The following DLGAP2 variants were observed in gnomAD, a reference collection of about 807,000 sequenced individuals.
DLGAP2 encodes DLG associated protein 2.
DLGAP2 carries 26 observed loss-of-function variants against 100.3 expected under a neutral mutation model. The ratio of observed to expected loss-of-function variants is 0.26; its 90% CI spans 0.19 to 0.36. The LOEUF is 0.36. Among genes scored for constraint, DLGAP2 ranks in the 10% least tolerant of loss-of-function variants. The pLI is 1.00. For missense variants in DLGAP2, 1,858 were observed against 1,453.2 expected (o/e 1.28, Z -4.53); for synonymous variants, 886 against 630.1 (o/e 1.41, Z -6.08).
chr8:1,336,967 G>T (rs1801288749), intron 3 of DLGAP2, among the ~76,000 whole-genome samples: 1 of 152,200 alleles, frequency 6.6e-6, no homozygotes. Context: ...ACCCTAAAAT[G>T]AAGATATTAT....
chr8:885,955 G>A (rs976659601), intron 1 of DLGAP2, among the ~76,000 whole-genome samples: 2 of 152,156 alleles, frequency 1.3e-5, no homozygotes, highest in Admixed American at 6.5e-5. Flanking sequence ...CAATTGTTTG[G>A]AATAGTTTCA....
intron 2 of DLGAP2, among the ~76,000 whole-genome samples, chr8:1,004,337 C>G (rs1328431207): frequency 2.0e-5 from 3 of 152,168 alleles, no homozygotes; most frequent in South Asian, 2.1e-4. Context: ...TTAATTTTGT[C>G]TTTTATCTTC....
chr8:954,412 C>G (rs1161579126), intron 2 of DLGAP2, among the ~76,000 whole-genome samples: 4 of 152,142 alleles, frequency 2.6e-5, no homozygotes, highest in Admixed American at 1.3e-4. Flanking sequence ...GAAATGTGTT[C>G]AAAATGTTCA....
At chr8:1,317,453 G>C (rs565121074) in intron 3 of DLGAP2, among the ~76,000 whole-genome samples, 2 of 143,334 alleles carry the variant, frequency 1.4e-5, no homozygotes, top group African/African-American at 2.7e-5. Context: ...TTTAAAAATA[G>C]AGGCTGTGCG....
At chr8:1,558,592 A>T (rs1802051191) in intron 5 of DLGAP2, among the ~76,000 whole-genome samples, 1 of 151,446 alleles carries the variant, frequency 6.6e-6, no homozygotes, top group African/African-American at 2.4e-5. Context: ...ATAGGCATGC[A>T]TGCACACCCA....
chr8:890,631 C>G (rs1019372926), intron 1 of DLGAP2, among the ~76,000 whole-genome samples: 1 of 152,078 alleles, frequency 6.6e-6, no homozygotes, highest in Non-Finnish European at 1.5e-5. Flanking sequence ...CCCCAGGAGC[C>G]TCACAGTGGG....
intron 2 of DLGAP2, among the ~76,000 whole-genome samples, chr8:1,138,332 C>A (rs993137321): frequency 6.6e-6 from 1 of 152,238 alleles, no homozygotes; most frequent in African/African-American, 2.4e-5. Flanking sequence ...GAAGACCTCA[C>A]AGGGGGCTGG....
chr8:1,305,665 T>A (rs1585242486), intron 3 of DLGAP2, among the ~76,000 whole-genome samples: 2 of 152,214 alleles, frequency 1.3e-5, no homozygotes. Context: ...CCATAAACAC[T>A]GCAGGCCTCC....
chr8:1,361,505 GTCTGGTGCTGAGAATTGCATAAACATT>G (rs1185774920), intron 3 of DLGAP2, among the ~76,000 whole-genome samples: 1 of 152,162 alleles, frequency 6.6e-6, no homozygotes, highest in African/African-American at 2.4e-5. Context: ...GTAGGTAGCC[GTCTGGTGCTGAGAATTGCATAAACATT>G]TCTTCAGCTT....
intron 1 of DLGAP2, among the ~76,000 whole-genome samples, chr8:779,417 G>T (rs1821626074): frequency 6.6e-6 from 1 of 151,520 alleles, no homozygotes; most frequent in Non-Finnish European, 1.5e-5. Context: ...GCTCAACACA[G>T]TTCAGTCCAG....
intron 3 of DLGAP2, among the ~76,000 whole-genome samples, chr8:1,350,154 C>T (rs1801674097): frequency 6.6e-6 from 1 of 152,204 alleles, no homozygotes; most frequent in East Asian, 1.9e-4. Context: ...ACATCCCCGA[C>T]TACTTCATGC....
At chr8:1,179,765 A>G (rs1414874258) in intron 2 of DLGAP2, among the ~76,000 whole-genome samples, 3 of 152,222 alleles carry the variant, frequency 2.0e-5, no homozygotes, top group East Asian at 3.8e-4. Context: ...TGGGAGTACA[A>G]AATTTTGAAC....
intron 10 of DLGAP2, among the ~76,000 whole-genome samples, chr8:1,672,389 G>A (rs774393644): frequency 3.2e-4 from 49 of 152,012 alleles, no homozygotes; most frequent in Non-Finnish European, 6.2e-4. Context: ...GTGCCACCAC[G>A]CCTAATTTTT....
intron 2 of DLGAP2, among the ~76,000 whole-genome samples, chr8:1,236,795 T>C (rs1329697606): frequency 4.3e-4 from 31 of 71,984 alleles, no homozygotes; most frequent in African/African-American, 1.9e-3. Context: ...GCGCCGTGTC[T>C]AGTTACCTCT....
chr8:1,606,383 A>T (rs1796800118), intron 6 of DLGAP2, among the ~76,000 whole-genome samples: 1 of 152,168 alleles, frequency 6.6e-6, no homozygotes, highest in African/African-American at 2.4e-5. Context: ...TACACCAAAA[A>T]GAAACCCTGT....
chr8:1,082,405 C>T lies in DLGAP2; in HGVS notation c.73+174439C>T, dbSNP rs542107079. On this transcript the variant is annotated intron_variant, in intron 2 of 14. Coordinates refer to ENST00000637795, the MANE Select transcript of DLGAP2 (RefSeq NM_001346810.2). ...TTTTCAAAATATTGTCTGGATCTAG[C>T]TAAGGGTGGGGGCAGCCAACACGGG... Among the ~76,000 whole-genome samples, 4 of 152,262 alleles carry T rather than the reference C, an allele frequency of 2.6e-5. No individual in the cohort carries two copies. The East Asian group carries it at 5.8e-4, about 22-fold the overall frequency.
chr8:1,352,398 C>T (rs1250372783), intron 3 of DLGAP2, among the ~76,000 whole-genome samples: 2 of 152,116 alleles, frequency 1.3e-5, no homozygotes. Flanking sequence ...CCATCTCTTC[C>T]TCTCCCCAGC....
At chr8:847,111 G>A (rs1184109255) in intron 1 of DLGAP2, among the ~76,000 whole-genome samples, 1 of 152,158 alleles carries the variant, frequency 6.6e-6, no homozygotes, top group Non-Finnish European at 1.5e-5. Context: ...ATGGGCCTGG[G>A]TGTTTTCTTT....
At chr8:1,141,980 TTTTG>T (rs1343358389) in intron 2 of DLGAP2, among the ~76,000 whole-genome samples, 2 of 152,136 alleles carry the variant, frequency 1.3e-5, no homozygotes. Flanking sequence ...TAAGCTTATT[TTTTG>T]TTTAAGAATG....
Sources: gnomAD v4.1 joint callset for allele counts (sites outside exome capture counted in the v4.1 genomes callset) on GRCh38, gnomAD v4.1.1 for gene constraint, MANE v1.5 for transcripts, NCBI Gene and HGNC (gene_info 2026-07-23, HGNC 2026-07-21) for gene names.